MDH2: variants seen among roughly 807,000 people sequenced by gnomAD.
MDH2 encodes the protein malate dehydrogenase 2, also known as malate dehydrogenase, mitochondrial.
A neutral mutation model predicts 33.6 loss-of-function variants in MDH2; 25 were observed. The observed-to-expected ratio is 0.74, with a 90% confidence interval of 0.54 to 1.04. MDH2 has a LOEUF of 1.04. MDH2 is among the 50% of genes least tolerant of loss of function. The pLI, the probability that MDH2 is intolerant of heterozygous loss-of-function variation, is 0.00. For missense variants in MDH2, 432 were observed against 445.0 expected (o/e 0.97, Z 0.26); for synonymous variants, 193 against 188.7 (o/e 1.02, Z -0.19).
At chr7:76,051,318 A>AT (rs11342333) in intron 1 of MDH2, among the ~76,000 whole-genome samples, 5,573 of 129,798 alleles carry the variant, frequency 0.043, 228 homozygotes, top group East Asian at 0.18. Flanking sequence ...CAGACTTTGG[A>AT]TTTTTTTTTT....
intron 5 of MDH2, among the ~76,000 whole-genome samples, chr7:76,060,728 C>G (rs1235159971): frequency 6.6e-6 from 1 of 152,018 alleles, no homozygotes; most frequent in Non-Finnish European, 1.5e-5. Context: ...TCTCCCGGCT[C>G]TCGCTGTCTT....
chr7:76,050,508 A>T lies in MDH2; in HGVS notation c.66+2282A>T, dbSNP rs572991811. On this transcript the variant is annotated intron_variant, in intron 1 of 8. Coordinates refer to ENST00000315758, the MANE Select transcript of MDH2 (RefSeq NM_005918.4). ...GGGGCATGCCTTGAAGGTTTGAGAA[A>T]ATGAGGCTAGGGTAGTTCCAGAGAA... 1.3e-5 allele frequency among the ~76,000 whole-genome samples: 2 copies of T among 152,320 alleles called. 1 individual carries two copies. The highest frequency in any genetic ancestry group is 4.1e-4 in the South Asian group (2 of 4,828).
intron 1 of MDH2, chr7:76,049,164 AT>A: frequency 1.1e-6 from 1 of 918,396 alleles, no homozygotes; most frequent in Non-Finnish European, 1.3e-6. Context: ...CATTTGAAAA[AT>A]AAATACAAAT....
At position 76,063,593 on chromosome 7, in the gene MDH2, G is replaced by A; in HGVS notation, c.633+1G>A. ...GACCATCATCCCCCTGATCTCTCAG[G>A]TACACGCATATGACCCTGTGAGGGG... On this transcript the variant is annotated splice_donor_variant, in intron 6 of 8. Transcript: ENST00000315758. LOFTEE classifies it high-confidence loss of function. 4.3e-6 allele frequency: 7 copies of A among 1,614,020 alleles called. No individual in the cohort carries two copies. The highest frequency in any genetic ancestry group is 5.9e-6 in the Non-Finnish European group (7 of 1,179,858).
At chr7:76,055,411 G>A (rs1797741413) in intron 2 of MDH2, among the ~76,000 whole-genome samples, 1 of 151,968 alleles carries the variant, frequency 6.6e-6, no homozygotes, top group Non-Finnish European at 1.5e-5. Context: ...GTGGAAGGCA[G>A]TGTCGGATAT....
chr7:76,066,502 TTGG>T lies in MDH2; in HGVS notation c.*95_*97del. The T allele has an allele frequency of 2.8e-6, 4 of 1,450,552 alleles. No homozygotes were observed. The highest frequency in any genetic ancestry group is 2.8e-6 in the Non-Finnish European group (3 of 1,089,394). 89.9% of individuals were successfully genotyped at this position (1,450,552 alleles called of 1,614,324 possible). On this transcript the variant is annotated 3_prime_UTR_variant, in exon 9 of 9. Coordinates refer to ENST00000315758, the MANE Select transcript of MDH2 (RefSeq NM_005918.4). ...GATAAACTTTGTATTTTAATTTGCT[TTGG>T]TGATGATTACTGTATTGACATCATC...
chr7:76,066,196 G>A (rs1554587843), intron 8 of MDH2, 83 bp from the exon 9 acceptor site: 2 of 1,537,144 alleles, frequency 1.3e-6, no homozygotes. Flanking sequence ...CTCCTCGGCA[G>A]GGCTGATGGA....
Position 76,054,872 on chromosome 7 carries a change from G to A in MDH2, c.109G>A (p.Gly37Arg), listed in dbSNP as rs782308462. 26 of 1,614,078 alleles carry A rather than the reference G, an allele frequency of 1.6e-5. No individual in the cohort carries two copies. Among genetic ancestry groups the A allele is most frequent in the Middle Eastern group, 1.7e-4 (1 of 6,060 alleles). ...TGTGCTAGGGGCCTCTGGAGGCATCGGGCAGCCACTTTCACTTCTCCTGAA... is the reference window on the plus strand; with the variant it reads ...TGTGCTAGGGGCCTCTGGAGGCATCAGGCAGCCACTTTCACTTCTCCTGAA... ...VAVLGASGGIGQPLSLLLKNS... is the reference protein window; with the variant it reads ...VAVLGASGGIRQPLSLLLKNS... The change falls in exon 2 of 9, where the codon GGG becomes AGG. Residue 37 changes from glycine to arginine, a missense_variant. Coordinates refer to ENST00000315758, the MANE Select transcript of MDH2 (RefSeq NM_005918.4).
rs782101148 is a variant in MDH2, at chr7:76,057,947, T to A, written c.320-22T>A. On this transcript the variant is annotated intron_variant, in intron 3 of 8. Coordinates refer to ENST00000315758, the MANE Select transcript of MDH2 (RefSeq NM_005918.4). ...AAATTTGTGGTGTTCTCTGTTAACA[T>A]CTCATATTGGATCATTTCCAGGCAT... 2.5e-6 allele frequency: 4 copies of A among 1,609,048 alleles called. No individual in the cohort carries two copies. In the Admixed American group the frequency reaches 6.7e-5, roughly 27 times the overall value.
intron 5 of MDH2, among the ~76,000 whole-genome samples, chr7:76,063,178 A>T (rs1797998341): frequency 6.6e-6 from 1 of 152,196 alleles, no homozygotes; most frequent in African/African-American, 2.4e-5. Context: ...TCTGGGAAAG[A>T]GGATGCCAGG....
At chr7:76,065,307 G>A (rs536503357) in intron 8 of MDH2, 5 of 195,752 alleles carry the variant, frequency 2.6e-5, no homozygotes, top group South Asian at 1.2e-4. Context: ...TTCTGACTGC[G>A]GGGGGCGGCC....
At chr7:76,063,768 A>G (rs1055681346) in intron 6 of MDH2, among the ~76,000 whole-genome samples, 176 bp downstream of exon 6, 1 of 152,206 alleles carries the variant, frequency 6.6e-6, no homozygotes, top group Non-Finnish European at 1.5e-5. Context: ...CCTGGAGCGA[A>G]TGTGGGTGGA....
chr7:76,060,483 T>C lies in MDH2; in HGVS notation c.540T>C (p.Phe180=), dbSNP rs374801532. Residue 180 remains phenylalanine, a synonymous_variant, in exon 5 of 9, where the codon TTT becomes TTC. Transcript: ENST00000315758. ...TGGACATCGTCAGAGCCAACACCTTTGTTGCAGAGCTGAAGGTAAGGGCGG... is the reference window on the plus strand; with the variant it reads ...TGGACATCGTCAGAGCCAACACCTTCGTTGCAGAGCTGAAGGTAAGGGCGG... ...TTLDIVRANT[F]VAELKGLDPA... is the part of the protein sequence containing the mutation. 6.2e-7 allele frequency: 1 copy of C among 1,614,162 alleles called. No homozygotes were observed. Among genetic ancestry groups the C allele is most frequent in the East Asian group, 2.2e-5 (1 of 44,882 alleles).
chr7:76,061,117 C>A (rs1797934741), intron 5 of MDH2, among the ~76,000 whole-genome samples: 1 of 152,126 alleles, frequency 6.6e-6, no homozygotes. Context: ...GGCCTGGAGT[C>A]CTTAGTGCTT....
chr7:76,050,666 G>A (rs1797594850), intron 1 of MDH2, among the ~76,000 whole-genome samples: 1 of 152,180 alleles, frequency 6.6e-6, no homozygotes, highest in African/African-American at 2.4e-5. Context: ...TTAGGAGTGA[G>A]AGAAAGGTAG....
chr7:76,063,031 T>G (rs1278126120), intron 5 of MDH2, among the ~76,000 whole-genome samples: 1 of 152,200 alleles, frequency 6.6e-6, no homozygotes, highest in African/African-American at 2.4e-5. Flanking sequence ...CCAATCACTG[T>G]TTGAGGTGGC....
Position 76,066,661 on chromosome 7 carries a change from CTCT to C in MDH2, c.*254_*256del. 2.9e-6 allele frequency: 1 copy of C among 350,652 alleles called. No individual in the cohort carries two copies. The highest frequency in any genetic ancestry group is 5.2e-6 in the Non-Finnish European group (1 of 192,706). The allele number at this position is 350,652 out of a possible 1,614,324, so 21.7% of individuals were successfully genotyped here. A position where few individuals can be genotyped will look rare whatever the true frequency, so the allele number is the denominator to read the frequency against. ...GAGCCAACTTTAGAGTGTCTGCTAC[CTCT>C]TCATTACCAATCAGAATTAGATGAT... is the stretch of plus-strand genomic sequence containing the variant. On this transcript the variant is annotated 3_prime_UTR_variant, in exon 9 of 9. Transcript: ENST00000315758.
intron 1 of MDH2, chr7:76,049,121 A>C: frequency 1.0e-6 from 1 of 985,058 alleles, no homozygotes; most frequent in Non-Finnish European, 1.2e-6. Context: ...CAAATTTATC[A>C]TCGAAGTTCT....
intron 5 of MDH2, among the ~76,000 whole-genome samples, chr7:76,062,386 C>T (rs1554587138): frequency 6.6e-6 from 1 of 152,234 alleles, no homozygotes; most frequent in Admixed American, 6.5e-5. Context: ...CCCTGGTGAC[C>T]GTGCAGTGCC....
Sources: gnomAD v4.1 joint callset for allele counts (sites outside exome capture counted in the v4.1 genomes callset) on GRCh38, gnomAD v4.1.1 for gene constraint, MANE v1.5 for transcripts, NCBI Gene and HGNC (gene_info 2026-07-23, HGNC 2026-07-21) for gene names.